Variants in TIMM23 observed in about 807,000 individuals in gnomAD.
TIMM23 encodes the protein mitochondrial import inner membrane translocase subunit Tim23.
In TIMM23, 19 loss-of-function variants were observed where a neutral mutation model predicts 30.7. The observed-to-expected ratio is 0.62, with a 90% CI of 0.43 to 0.91. TIMM23 has a LOEUF of 0.91. TIMM23 is among the 40% of genes least tolerant of loss of function. The probability of loss-of-function intolerance (pLI) is 0.00; values close to 1 mark genes in which losing one functional copy is unlikely to be tolerated. For synonymous variants in TIMM23, 78 were observed against 98.5 expected, an observed-to-expected ratio of 0.79 and a Z score of 1.23; for missense variants, 202 against 269.2, an observed-to-expected ratio of 0.75 and a Z score of 1.75.
intron 5 of TIMM23, among the ~76,000 whole-genome samples, chr10:45,987,725 ACCTCAG>A (rs1838034389): frequency 7.2e-6 from 1 of 139,848 alleles, no homozygotes; most frequent in Admixed American, 7.9e-5. Flanking sequence ...CAAGCCTCCC[ACCTCAG>A]CCTTTCAAGG....
At chr10:45,973,116 C>T (rs868983787) in intron 1 of TIMM23, among the ~76,000 whole-genome samples, 3,444 of 152,252 alleles carry the variant, frequency 0.023, 121 homozygotes, top group African/African-American at 0.078. Context: ...TACACAGCGA[C>T]ATATTCTGAG....
intron 6 of TIMM23, among the ~76,000 whole-genome samples, chr10:45,997,090 T>TA (rs1554916862): frequency 6.6e-6 from 1 of 151,652 alleles, no homozygotes; most frequent in Non-Finnish European, 1.5e-5. Context: ...AAAAATGAGC[T>TA]AAGCATGGTG....
intron 6 of TIMM23, among the ~76,000 whole-genome samples, chr10:45,998,685 G>C (rs1241364227): frequency 6.6e-6 from 1 of 152,210 alleles, no homozygotes; most frequent in Admixed American, 6.5e-5. Context: ...CCAATGTTTA[G>C]TGTCTTGTTG....
At chr10:45,997,000 G>C (rs1554916843) in intron 6 of TIMM23, among the ~76,000 whole-genome samples, 2 of 150,952 alleles carry the variant, frequency 1.3e-5, no homozygotes. Context: ...GATTCTAAGA[G>C]GCCAAGGCAG....
chr10:45,993,758 A>G (rs1838242853), intron 6 of TIMM23, among the ~76,000 whole-genome samples: 2 of 152,152 alleles, frequency 1.3e-5, no homozygotes, highest in Non-Finnish European at 2.9e-5. Flanking sequence ...GATGAAATGA[A>G]TAATGAAATG....
rs1473137280 is a variant in TIMM23 at position 45,975,994 on chromosome 10, G to T, written c.165+482G>T. Among the ~76,000 whole-genome samples, 923 of 152,260 alleles carry T rather than the reference G, an allele frequency of 6.1e-3. 5 individuals carry two copies. Among genetic ancestry groups the T allele is most frequent in the Middle Eastern group, 0.034 (10 of 294 alleles). On this transcript the variant is annotated intron_variant, in intron 2 of 6. Transcript: ENST00000580018. ...TTCTTGTGTTTTCAATAGAGACGGGGTTTCACCATGTTGGCCAGGCTCCCA... is the reference window on the plus strand; with the variant it reads ...TTCTTGTGTTTTCAATAGAGACGGGTTTTCACCATGTTGGCCAGGCTCCCA...
Position 46,003,218 on chromosome 10 carries a change from T to C in TIMM23, c.530T>C (p.Ile177Thr). Residue 177 changes from isoleucine (I) to threonine (T), a missense_variant, in exon 7 of 7, where the codon ATA (isoleucine) becomes ACA (threonine). Coordinates refer to ENST00000580018, the MANE Select transcript of TIMM23 (RefSeq NM_006327.4). Reference sequence around the variant, plus strand: ...TGTTTCCCAGGTGGTCTTCGAGGGATAGCACGAGGTGGTCTGACAGGACTA... The same window carrying C: ...TGTTTCCCAGGTGGTCTTCGAGGGACAGCACGAGGTGGTCTGACAGGACTA... ...LYKCTGGLRGIARGGLTGLTL... is the reference protein window; with the variant it reads ...LYKCTGGLRGTARGGLTGLTL... The C allele has an allele frequency of 2.5e-6, 4 of 1,614,096 alleles. No individual in the cohort carries two copies. Among genetic ancestry groups the C allele is most frequent in the Non-Finnish European group, 2.5e-6 (3 of 1,179,946 alleles).
At chr10:45,982,657 A>G (rs1837880473) in intron 3 of TIMM23, 41 bp downstream of exon 3, 1 of 1,612,004 alleles carries the variant, frequency 6.2e-7, no homozygotes, top group Non-Finnish European at 8.5e-7. Flanking sequence ...GCTCAGTTCA[A>G]GTAGTTGAGG....
intron 4 of TIMM23, among the ~76,000 whole-genome samples, chr10:45,983,269 C>A: frequency 6.6e-6 from 1 of 152,132 alleles, no homozygotes; most frequent in South Asian, 2.1e-4. Flanking sequence ...TGGGGGCATG[C>A]AGATCCATAG....
intron 6 of TIMM23, among the ~76,000 whole-genome samples, chr10:45,989,998 A>G (rs1226889189): frequency 1.3e-5 from 2 of 152,190 alleles, no homozygotes; most frequent in African/African-American, 4.8e-5. Flanking sequence ...TGTTTAATCC[A>G]CATACATGAT....
intron 6 of TIMM23, among the ~76,000 whole-genome samples, chr10:45,996,248 G>C (rs1838328111): frequency 7.0e-6 from 1 of 143,422 alleles, no homozygotes; most frequent in African/African-American, 2.8e-5. Context: ...TGTAGTCCCA[G>C]CTACTAGGGA....
At chr10:45,978,050 T>G (rs1335316927) in intron 2 of TIMM23, among the ~76,000 whole-genome samples, 1 of 150,878 alleles carries the variant, frequency 6.6e-6, no homozygotes, top group Non-Finnish European at 1.5e-5. Context: ...AATAAAAAAA[T>G]AAATAAAGAA....
At chr10:45,979,307 C>T (rs1257851005) in intron 2 of TIMM23, among the ~76,000 whole-genome samples, 4 of 152,302 alleles carry the variant, frequency 2.6e-5, no homozygotes, top group Admixed American at 1.3e-4. Flanking sequence ...CATTTTCTCT[C>T]TCTCTTTTTT....
At chr10:45,983,479 A>C (rs1353552159) in intron 4 of TIMM23, among the ~76,000 whole-genome samples, 1 of 152,238 alleles carries the variant, frequency 6.6e-6, no homozygotes, top group Non-Finnish European at 1.5e-5. Flanking sequence ...CAGAGAAGGG[A>C]AAGTACAGTT....
intron 6 of TIMM23, among the ~76,000 whole-genome samples, chr10:45,991,463 T>C (rs1554915731): frequency 3.3e-5 from 5 of 152,028 alleles, no homozygotes. Flanking sequence ...TGAAAGATGA[T>C]TGGGTCAGCT....
At chr10:46,002,311 G>A (rs1164958512) in intron 6 of TIMM23, 1 of 153,502 alleles carries the variant, frequency 6.5e-6, no homozygotes, top group Non-Finnish European at 1.4e-5. Flanking sequence ...AAATAGCTGG[G>A]ACCACAGGCG....
intron 6 of TIMM23, among the ~76,000 whole-genome samples, chr10:45,997,842 G>T: frequency 6.6e-6 from 1 of 152,242 alleles, no homozygotes; most frequent in Middle Eastern, 3.4e-3. Context: ...GTTGGTAATA[G>T]CACAGCCGTG....
Position 45,992,660 on chromosome 10 carries a change from C to T in TIMM23, c.514+3813C>T, listed in dbSNP as rs1156926843. On this transcript the variant is annotated intron_variant, in intron 6 of 6. Transcript: ENST00000580018. Reference sequence around the variant, plus strand: ...ACAACCTCCACCTCCCGGGTTCAAGCGATTCTCCTGCCTCAGCTTCCCAAG... The same window carrying T: ...ACAACCTCCACCTCCCGGGTTCAAGTGATTCTCCTGCCTCAGCTTCCCAAG... 6.4e-5 allele frequency: 25 copies of T among 391,428 alleles called. No homozygotes were observed. The Middle Eastern group carries it at 1.2e-3, about 19-fold the overall frequency. 24.2% of individuals were successfully genotyped at this position (391,428 alleles called of 1,614,324 possible). A position where few individuals can be genotyped will look rare whatever the true frequency, so the allele number is the denominator to read the frequency against.
chr10:45,974,631 A>G (rs1202774312), intron 1 of TIMM23, among the ~76,000 whole-genome samples: 1 of 152,244 alleles, frequency 6.6e-6, no homozygotes, highest in African/African-American at 2.4e-5. Context: ...CTATGTAGAC[A>G]GTGAATTGAA....
Sources: allele counts gnomAD v4.1 joint callset (sites outside exome capture counted in the v4.1 genomes callset), GRCh38; gene constraint gnomAD v4.1.1; transcripts MANE v1.5; gene names NCBI Gene and HGNC (gene_info 2026-07-23, HGNC 2026-07-21).